NAV2: variants seen among roughly 807,000 people sequenced by gnomAD.
The protein encoded by NAV2 is helicase, APC down-regulated 1.
Under a neutral mutation model 223.2 loss-of-function variants are expected in NAV2, and 54 were observed. The observed-to-expected ratio is 0.24, with a 90% CI of 0.19 to 0.30. The LOEUF is 0.30. Ranked by LOEUF, NAV2 falls within the 10% of genes least tolerant of loss-of-function variation. The pLI is 1.00. For synonymous variants in NAV2, 1,279 were observed against 1,239.3 expected, an observed-to-expected ratio of 1.03 and a Z score of -0.67; for missense variants, 2,806 against 3,147.5, an observed-to-expected ratio of 0.89 and a Z score of 2.60.
chr11:19,584,288 G>A (rs1325193424), intron 1 of NAV2, among the ~76,000 whole-genome samples: 4 of 151,944 alleles, frequency 2.6e-5, no homozygotes, highest in African/African-American at 9.7e-5. Context: ...TATTAGTCTT[G>A]CTAGCGGTCT....
At chr11:20,005,494 C>T (rs1410529760) in intron 11 of NAV2, among the ~76,000 whole-genome samples, 2 of 151,534 alleles carry the variant, frequency 1.3e-5, no homozygotes, top group Non-Finnish European at 2.9e-5. Flanking sequence ...GATCCATCTG[C>T]CTCAGCCTCC....
At chr11:19,934,743 A>G (rs11025329) in intron 7 of NAV2, among the ~76,000 whole-genome samples, 63,861 of 152,008 alleles carry the variant, frequency 0.42, 14,966 homozygotes, top group Non-Finnish European at 0.54. Flanking sequence ...TTGAACATCC[A>G]GATCCTCACA....
chr11:20,020,320 T>C (rs1237278511), intron 11 of NAV2, among the ~76,000 whole-genome samples: 6 of 152,236 alleles, frequency 3.9e-5, no homozygotes, highest in Admixed American at 3.9e-4. Flanking sequence ...CTGATAACAT[T>C]GTTTCTGTGG....
chr11:19,661,478 C>G (rs10741788), intron 1 of NAV2, among the ~76,000 whole-genome samples: 108,032 of 151,948 alleles, frequency 0.71, 44,476 homozygotes, highest in Non-Finnish European at 0.9. Context: ...TCTGTTTGTA[C>G]AGTATTTAAA....
At chr11:19,872,570 C>G (rs1322155952) in intron 4 of NAV2, among the ~76,000 whole-genome samples, 1 of 152,232 alleles carries the variant, frequency 6.6e-6, no homozygotes, top group Non-Finnish European at 1.5e-5. Context: ...GACTGAGTGC[C>G]CTGAGGCTCC....
intron 11 of NAV2, chr11:20,027,662 T>C (rs1401204197): frequency 6.3e-6 from 1 of 157,558 alleles, no homozygotes; most frequent in East Asian, 1.9e-4. Context: ...GAACCGTAGT[T>C]AGAGAACCTC....
intron 1 of NAV2, among the ~76,000 whole-genome samples, chr11:19,424,845 C>T (rs1187269399): frequency 6.6e-6 from 1 of 152,056 alleles, no homozygotes; most frequent in Non-Finnish European, 1.5e-5. Context: ...GCCACCGTGC[C>T]CGGCCTTAGT....
At chr11:19,708,257 A>G (rs533607279), upstream of NAV2, among the ~76,000 whole-genome samples, 1 of 152,350 alleles carries the variant, frequency 6.6e-6, no homozygotes, top group African/African-American at 2.4e-5. Flanking sequence ...AGCCACTACT[A>G]AAAGGTGAGC....
In NAV2 at chr11:19,842,426, T is replaced by C. The variant is rs375032534; in HGVS notation, c.386-445T>C. 3.3e-5 allele frequency among the ~76,000 whole-genome samples: 5 copies of C among 152,208 alleles called. No individual in the cohort carries two copies. In the East Asian group the frequency reaches 5.8e-4, roughly 18 times the overall value. ...TTAGGACAAACAAAAGCAATATTAA[T>C]CTGGCCAAAGATGGAGTGAGATGCT... On this transcript the variant is annotated intron_variant, in intron 2 of 37. Transcript: ENST00000349880.
chr11:19,347,576 C>G (rs1270254886), upstream of NAV2, among the ~76,000 whole-genome samples: 1 of 152,154 alleles, frequency 6.6e-6, no homozygotes, highest in African/African-American at 2.4e-5. Flanking sequence ...GTCTTATGAA[C>G]TTTGAGGAGA....
At chr11:19,855,551 G>A (rs2061369157) in intron 3 of NAV2, among the ~76,000 whole-genome samples, 1 of 152,192 alleles carries the variant, frequency 6.6e-6, no homozygotes, top group Admixed American at 6.5e-5. Flanking sequence ...AGAGTTGGAT[G>A]TGAGGGCAGA....
intron 12 of NAV2, 48 bp from the exon 13 acceptor site, chr11:20,043,933 C>G: frequency 6.3e-7 from 1 of 1,581,474 alleles, no homozygotes; most frequent in Non-Finnish European, 8.6e-7. Flanking sequence ...GAGGGGCTTC[C>G]CAGCCTGGGA....
chr11:19,413,406 C>T (rs1420191646), intron 1 of NAV2, among the ~76,000 whole-genome samples: 1 of 151,976 alleles, frequency 6.6e-6, no homozygotes, highest in African/African-American at 2.4e-5. Flanking sequence ...ACAAATCCTC[C>T]AAGAAATATG....
intron 1 of NAV2, among the ~76,000 whole-genome samples, chr11:19,623,360 T>C (rs2047065987): frequency 6.6e-6 from 1 of 152,182 alleles, no homozygotes; most frequent in Non-Finnish European, 1.5e-5. Context: ...TGCAGAGTGT[T>C]TTCCAACTTG....
At position 19,460,049 on chromosome 11, in the gene NAV2, C is replaced by A. The variant is rs140917158; in HGVS notation, c.75+109022C>A. ...TGTATCTCTGGGCAAGATACTTAAC[C>A]TTTCTTTGCCTCAGTTTTCTCATCT... On this transcript the variant is annotated intron_variant, in intron 1 of 37. Transcript: ENST00000360655. Among the ~76,000 whole-genome samples the A allele has an allele frequency of 2.6e-5, 4 of 152,316 alleles. No individual in the cohort carries two copies. In the East Asian group the frequency reaches 7.7e-4, roughly 29 times the overall value.
intron 30 of NAV2, 125 bp from the exon 31 acceptor site, chr11:20,097,452 C>T: frequency 1.3e-6 from 1 of 789,184 alleles, no homozygotes; most frequent in Non-Finnish European, 1.9e-6. Flanking sequence ...CATCCCACAG[C>T]TCAATTTCAA....
intron 32 of NAV2, among the ~76,000 whole-genome samples, chr11:20,101,546 A>G (rs1228807417): frequency 2.0e-5 from 3 of 152,244 alleles, no homozygotes; most frequent in Non-Finnish European, 4.4e-5. Context: ...GCCCACATTT[A>G]TAGACTGTTT....
At chr11:19,643,120 T>TTA (rs561644210) in intron 1 of NAV2, among the ~76,000 whole-genome samples, 223 of 152,244 alleles carry the variant, frequency 1.5e-3, no homozygotes, top group Non-Finnish European at 2.0e-3. Context: ...CTATACACAA[T>TTA]TATATATATA....
At chr11:19,848,025 T>A (rs1005000179) in intron 3 of NAV2, among the ~76,000 whole-genome samples, 1 of 152,168 alleles carries the variant, frequency 6.6e-6, no homozygotes, top group African/African-American at 2.4e-5. Flanking sequence ...CCTGAGCAGA[T>A]CATGAACCCC....
Sources: allele counts gnomAD v4.1 joint callset (sites outside exome capture counted in the v4.1 genomes callset), GRCh38; gene constraint gnomAD v4.1.1; transcripts MANE v1.5; gene names NCBI Gene and HGNC (gene_info 2026-07-23, HGNC 2026-07-21).